Variants in USP6NL observed in about 807,000 individuals in gnomAD.
The protein encoded by USP6NL is USP6 N-terminal like.
In USP6NL, 26 loss-of-function variants were observed where a neutral mutation model predicts 61.9. The ratio of observed to expected loss-of-function variants is 0.42; its 90% CI spans 0.31 to 0.58. The LOEUF (loss-of-function observed/expected upper bound fraction) is 0.58. Ranked by LOEUF, USP6NL falls within the 20% of genes least tolerant of loss-of-function variation. USP6NL has a pLI of 0.16. For missense variants in USP6NL, 1,114 were observed against 1,034.3 expected, an observed-to-expected ratio of 1.08 and a Z score of -1.06; for synonymous variants, 432 against 390.1, an observed-to-expected ratio of 1.11 and a Z score of -1.27.
chr10:11,611,021 C>T lies in USP6NL; in HGVS notation c.-84+422G>A, dbSNP rs999391458. The stretch of plus-strand genomic sequence containing the variant: ...CCCCTCGCCTGGTCCAAACAAAGTT[C>T]CGCGGCATCAAGGCAGTCATTTAAA... On this transcript the variant is annotated intron_variant, in intron 1 of 14. Transcript: ENST00000609104. This position sits in a 1 kb window ranked among gnomAD's most constrained non-coding sequence, Gnocchi z 5.3. Among the ~76,000 whole-genome samples the T allele has an allele frequency of 6.6e-6, 1 of 152,214 alleles. No homozygotes were observed. The highest frequency in any genetic ancestry group is 6.5e-5 in the Admixed American group (1 of 15,292).
rs959809693 is a variant in USP6NL at position 11,493,239 on chromosome 10, A to T, written c.385-11T>A. ...TCTGTGTTTTAATTTCTGAAGAGAG[A>T]AAGAGAGAACAGAACAGATTTTTAT... On this transcript the variant is annotated splice_polypyrimidine_tract_variant and intron_variant, in intron 7 of 14. Coordinates refer to ENST00000609104, the MANE Select transcript of USP6NL (RefSeq NM_014688.5). 6.3e-7 allele frequency: 1 copy of T among 1,595,032 alleles called. No individual in the cohort carries two copies. The highest frequency in any genetic ancestry group is 1.3e-5 in the African/African-American group (1 of 74,658).
chr10:11,521,923 G>C (rs1835224969), intron 4 of USP6NL, among the ~76,000 whole-genome samples: 1 of 152,148 alleles, frequency 6.6e-6, no homozygotes, highest in Admixed American at 6.5e-5. Context: ...AACATTCTTT[G>C]TTAAGTAGAC....
chr10:11,527,580 C>T lies in USP6NL; in HGVS notation c.5-13G>A. 6.2e-7 allele frequency: 1 copy of T among 1,601,684 alleles called. No individual in the cohort carries two copies. On this transcript the variant is annotated splice_polypyrimidine_tract_variant and intron_variant, in intron 2 of 14. Coordinates refer to ENST00000609104, the MANE Select transcript of USP6NL (RefSeq NM_014688.5). ...TCCTGGTCTGAATCTGTGGAGAAGA[C>T]ATCAAATTTAGATGAATTGTCATTG...
In USP6NL at chr10:11,481,591, T is replaced by A. The variant is rs570288187; in HGVS notation, c.1078+179A>T. The stretch of plus-strand genomic sequence containing the variant: ...GAGGCAGATTTAATTAATATGTTTA[T>A]TTGCCTTTCCCTAAAATAAGGAAAA... On this transcript the variant is annotated intron_variant, in intron 14 of 14. Transcript: ENST00000609104. The surrounding 1 kb of genome is among the most constrained non-coding windows in gnomAD (Gnocchi z 4.4). Among the ~76,000 whole-genome samples, 5 of 152,318 alleles carry A rather than the reference T, an allele frequency of 3.3e-5. No homozygotes were observed. The South Asian group carries it at 1.0e-3, about 32-fold the overall frequency.
intron 2 of USP6NL, among the ~76,000 whole-genome samples, chr10:11,536,255 C>A (rs1433934030): frequency 6.6e-6 from 1 of 152,158 alleles, no homozygotes; most frequent in East Asian, 1.9e-4. Flanking sequence ...CTCCTCTTGA[C>A]CCTTTTATTT....
chr10:11,532,351 G>T lies in USP6NL; in HGVS notation c.5-4784C>A. On this transcript the variant is annotated intron_variant, in intron 2 of 14. Transcript: ENST00000609104. This position sits in a 1 kb window ranked among gnomAD's most constrained non-coding sequence, Gnocchi z 4.1. The stretch of plus-strand genomic sequence containing the variant: ...CTAACTAAAACAAAGAAAGGCAGAG[G>T]CAGCTCTACTTTAAACTATCTGTGA... The T allele has an allele frequency of 1.3e-6, 1 of 764,540 alleles. No homozygotes were observed. The allele number at this position is 764,540 out of a possible 1,614,324, so 47.4% of individuals were successfully genotyped here.
At chr10:11,538,417 A>G (rs1193610238) in intron 2 of USP6NL, among the ~76,000 whole-genome samples, 1 of 152,192 alleles carries the variant, frequency 6.6e-6, no homozygotes, top group African/African-American at 2.4e-5. Context: ...TGTCTCTTCT[A>G]CTGAACTATG....
In USP6NL at chr10:11,475,360, C is replaced by T. The variant is rs577779882; in HGVS notation, c.1078+6410G>A. On this transcript the variant is annotated intron_variant, in intron 14 of 14. Coordinates refer to ENST00000609104, the MANE Select transcript of USP6NL (RefSeq NM_014688.5). The stretch of plus-strand genomic sequence containing the variant: ...CGGTGGCTCACGCCTGTAATCCCAG[C>T]ACTTAGGGATCACCTGAGGGTCAGG... Among the ~76,000 whole-genome samples the T allele has an allele frequency of 4.0e-5, 6 of 150,526 alleles. No homozygotes were observed. In the South Asian group the frequency reaches 1.3e-3, roughly 32 times the overall value.
rs1460296780 is a variant in USP6NL, at chr10:11,482,500, C to T, written c.926-578G>A. On this transcript the variant is annotated intron_variant, in intron 13 of 14. Transcript: ENST00000609104. This position sits in a 1 kb window ranked among gnomAD's most constrained non-coding sequence, Gnocchi z 4.0. ...CATAATACACCTCATTACATAACAC[C>T]CTACAGGTAGATCCAGGTATTTACA... 6.6e-6 allele frequency among the ~76,000 whole-genome samples: 1 copy of T among 152,110 alleles called. No homozygotes were observed.
intron 2 of USP6NL, among the ~76,000 whole-genome samples, chr10:11,529,300 T>C (rs532399855): frequency 6.6e-5 from 10 of 152,304 alleles, no homozygotes; most frequent in East Asian, 1.9e-4. Context: ...AATGGTGACA[T>C]TGCAGTTCCT....
chr10:11,496,155 C>A lies in USP6NL; in HGVS notation c.385-2927G>T, dbSNP rs1833915004. Among the ~76,000 whole-genome samples the A allele has an allele frequency of 6.6e-6, 1 of 152,200 alleles. No homozygotes were observed. Among genetic ancestry groups the A allele is most frequent in the Non-Finnish European group, 1.5e-5 (1 of 68,044 alleles). On this transcript the variant is annotated intron_variant, in intron 7 of 14. Coordinates refer to ENST00000609104, the MANE Select transcript of USP6NL (RefSeq NM_014688.5). The surrounding 1 kb of genome is among the most constrained non-coding windows in gnomAD (Gnocchi z 5.4). Reference sequence around the variant, plus strand: ...CACCCTCAGCAAGGTCTGCGTTTTCCCTAGTCCAGAGGCCCTCTGTTTCAT... The same window carrying A: ...CACCCTCAGCAAGGTCTGCGTTTTCACTAGTCCAGAGGCCCTCTGTTTCAT...
Position 11,485,334 on chromosome 10 carries a change from A to C in USP6NL, c.760-100T>G. On this transcript the variant is annotated intron_variant, in intron 11 of 14. Transcript: ENST00000609104. This position sits in a 1 kb window ranked among gnomAD's most constrained non-coding sequence, Gnocchi z 4.8. ...GCTGTTGGATGCAGCTATCAAAGCT[A>C]AACACATTTACTTCTCAAAATCACT... 1.1e-6 allele frequency: 1 copy of C among 894,898 alleles called. No homozygotes were observed. Among genetic ancestry groups the C allele is most frequent in the Non-Finnish European group, 1.7e-6 (1 of 602,352 alleles). 55.4% of individuals were successfully genotyped at this position (894,898 alleles called of 1,614,324 possible). A position where few individuals can be genotyped will look rare whatever the true frequency, so the allele number is the denominator to read the frequency against.
At chr10:11,464,390 A>C (rs1832353279) in intron 14 of USP6NL, among the ~76,000 whole-genome samples, 1 of 152,240 alleles carries the variant, frequency 6.6e-6, no homozygotes, top group Non-Finnish European at 1.5e-5. Flanking sequence ...GCCACTGCTC[A>C]GAAAGCTGTA....
chr10:11,545,457 G>A (rs1566171354), intron 2 of USP6NL, among the ~76,000 whole-genome samples: 1 of 152,200 alleles, frequency 6.6e-6, no homozygotes, highest in African/African-American at 2.4e-5. Flanking sequence ...AAGCTGCCGT[G>A]TTCCACCTTC....
At chr10:11,471,524 C>A (rs1270265734) in intron 14 of USP6NL, among the ~76,000 whole-genome samples, 1 of 152,142 alleles carries the variant, frequency 6.6e-6, no homozygotes, top group Non-Finnish European at 1.5e-5. Flanking sequence ...GACACATGCA[C>A]ACGTATGTTT....
chr10:11,552,334 G>C (rs1836521630), intron 2 of USP6NL, among the ~76,000 whole-genome samples: 1 of 152,226 alleles, frequency 6.6e-6, no homozygotes, highest in African/African-American at 2.4e-5. Flanking sequence ...TCATCCTTCA[G>C]TGCATGCCTC....
intron 2 of USP6NL, among the ~76,000 whole-genome samples, chr10:11,551,462 G>A (rs999055900): frequency 1.3e-5 from 2 of 152,240 alleles, no homozygotes; most frequent in African/African-American, 2.4e-5. Context: ...TGTAACCAGT[G>A]CTTAGGACAG....
intron 14 of USP6NL, among the ~76,000 whole-genome samples, chr10:11,472,453 T>G (rs1424877090): frequency 6.6e-6 from 1 of 152,250 alleles, no homozygotes; most frequent in East Asian, 1.9e-4. Flanking sequence ...GTGCTCGCTC[T>G]GTGAGCAGCA....
At chr10:11,569,370 C>G (rs1837279147) in intron 2 of USP6NL, among the ~76,000 whole-genome samples, 1 of 152,034 alleles carries the variant, frequency 6.6e-6, no homozygotes, top group African/African-American at 2.4e-5. Flanking sequence ...GCTAAAAAAA[C>G]AGGATGGAAG....
Sources: allele counts gnomAD v4.1 joint callset (sites outside exome capture counted in the v4.1 genomes callset), GRCh38; gene constraint gnomAD v4.1.1; non-coding constraint Gnocchi (gnomAD v3.1); transcripts MANE v1.5; gene names NCBI Gene and HGNC (gene_info 2026-07-23, HGNC 2026-07-21).